HMGB1: variants seen among roughly 807,000 people sequenced by gnomAD.
HMGB1 encodes high mobility group box 1.
For missense variants in HMGB1, 79 were observed against 253.5 expected (o/e 0.31, Z 4.67); for synonymous variants, 81 against 84.0 (o/e 0.96, Z 0.19).
chr13:30,513,437 G>C (rs1888035085), intron 1 of HMGB1, among the ~76,000 whole-genome samples: 1 of 152,268 alleles, frequency 6.6e-6, no homozygotes, highest in Middle Eastern at 3.4e-3. Flanking sequence ...ATCTGCACAG[G>C]TGTGTGTGAG....
exon 1 of HMGB1, chr13:30,617,068 T>G (rs570666128): frequency 3.9e-5 from 6 of 152,304 alleles, no homozygotes; most frequent in African/African-American, 1.4e-4. Flanking sequence ...AGCAAAGGCT[T>G]AAACTTATCA....
chr13:30,574,035 G>C (rs1870544893), intron 1 of HMGB1, among the ~76,000 whole-genome samples: 1 of 152,190 alleles, frequency 6.6e-6, no homozygotes, highest in South Asian at 2.1e-4. Flanking sequence ...AGACATGCAA[G>C]CTGGGGATGA....
chr13:30,537,048 A>G (rs1436642587), intron 1 of HMGB1, among the ~76,000 whole-genome samples: 1 of 152,208 alleles, frequency 6.6e-6, no homozygotes, highest in Non-Finnish European at 1.5e-5. Context: ...CTTCCTGAGA[A>G]AGGATGCACA....
chr13:30,545,572 T>G (rs545108719), intron 1 of HMGB1, among the ~76,000 whole-genome samples: 82 of 152,274 alleles, frequency 5.4e-4, no homozygotes, highest in South Asian at 1.4e-3. Context: ...GTGCCCAGTA[T>G]TCCTGAGTCT....
At chr13:30,582,439 C>G (rs1870941193) in intron 1 of HMGB1, among the ~76,000 whole-genome samples, 1 of 151,796 alleles carries the variant, frequency 6.6e-6, no homozygotes, top group Non-Finnish European at 1.5e-5. Context: ...GAGATTGAGA[C>G]CATCCTGGCT....
At chr13:30,581,691 C>T (rs1870907806) in intron 1 of HMGB1, among the ~76,000 whole-genome samples, 1 of 152,122 alleles carries the variant, frequency 6.6e-6, no homozygotes, top group South Asian at 2.1e-4. Context: ...TTGGGGTTCC[C>T]AATCAGGACT....
intron 1 of HMGB1, among the ~76,000 whole-genome samples, chr13:30,601,220 A>G (rs1950396815): frequency 6.6e-6 from 1 of 152,174 alleles, no homozygotes; most frequent in African/African-American, 2.4e-5. Flanking sequence ...TTCACCACCT[A>G]TCCCAAAACC....
At chr13:30,520,791 A>G (rs892618185) in intron 1 of HMGB1, among the ~76,000 whole-genome samples, 6 of 152,164 alleles carry the variant, frequency 3.9e-5, no homozygotes, top group African/African-American at 1.4e-4. Flanking sequence ...TCTTAAGAGA[A>G]TCCAACAGTA....
rs1200471942 is a variant in HMGB1, at chr13:30,458,511, A to C, written c.*2846T>G. On this transcript the variant is annotated 3_prime_UTR_variant, in exon 5 of 5. Coordinates refer to ENST00000341423, the MANE Select transcript of HMGB1 (RefSeq NM_002128.7). ...CGCTTGGCTAATTTTTTGTATTTTTAGTAGAGGCGGGGTTTCACCACGTTA... is the reference window on the plus strand; with the variant it reads ...CGCTTGGCTAATTTTTTGTATTTTTCGTAGAGGCGGGGTTTCACCACGTTA... The C allele has an allele frequency of 6.6e-6, 1 of 152,216 alleles. No individual in the cohort carries two copies. Among genetic ancestry groups the C allele is most frequent in the African/African-American group, 2.4e-5 (1 of 41,408 alleles). The allele number at this position is 152,216 out of a possible 1,614,324, so 9.4% of individuals were successfully genotyped here.
rs954842534 is a variant in HMGB1 at position 30,460,813 on chromosome 13, T to A, written c.*544A>T. 1.3e-5 allele frequency: 2 copies of A among 152,990 alleles called. No individual in the cohort carries two copies. Among genetic ancestry groups the A allele is most frequent in the African/African-American group, 4.8e-5 (2 of 41,434 alleles). 9.5% of individuals were successfully genotyped at this position (152,990 alleles called of 1,614,324 possible). A position where few individuals can be genotyped will look rare whatever the true frequency, so the allele number is the denominator to read the frequency against. On this transcript the variant is annotated 3_prime_UTR_variant, in exon 5 of 5. Transcript: ENST00000341423. ...AAAGGATAAACACTGTAATAATTCATGTGATTCAAAATGGGCAAAAGCAAA... is the reference window on the plus strand; with the variant it reads ...AAAGGATAAACACTGTAATAATTCAAGTGATTCAAAATGGGCAAAAGCAAA...
At chr13:30,512,162 G>T (rs1402668911) in intron 1 of HMGB1, among the ~76,000 whole-genome samples, 1 of 150,200 alleles carries the variant, frequency 6.7e-6, no homozygotes, top group Non-Finnish European at 1.5e-5. Context: ...AAAAAAAAAA[G>T]ATTGATTGGC....
chr13:30,561,265 G>C (rs368430397), intron 1 of HMGB1, among the ~76,000 whole-genome samples: 1 of 152,140 alleles, frequency 6.6e-6, no homozygotes, highest in Non-Finnish European at 1.5e-5. Context: ...TGGAGCTCAG[G>C]AGGAAGAGGC....
intron 1 of HMGB1, among the ~76,000 whole-genome samples, chr13:30,502,409 T>TC (rs1887753727): frequency 6.6e-6 from 1 of 152,234 alleles, no homozygotes; most frequent in South Asian, 2.1e-4. Flanking sequence ...TTAAGGCCCA[T>TC]CCCCCATCTC....
intron 1 of HMGB1, among the ~76,000 whole-genome samples, chr13:30,562,758 T>TGGTTGGAGACGGTAC (rs1220201520): frequency 1.3e-5 from 2 of 152,168 alleles, no homozygotes; most frequent in Non-Finnish European, 2.9e-5. Context: ...GGCGCTGGGT[T>TGGTTGGAGACGGTAC]GGTTGGAGAC....
At chr13:30,571,135 T>G (rs1335460165) in intron 1 of HMGB1, among the ~76,000 whole-genome samples, 1 of 152,190 alleles carries the variant, frequency 6.6e-6, no homozygotes, top group Non-Finnish European at 1.5e-5. Context: ...TGATTAGGAA[T>G]GCACAATCAC....
intron 4 of HMGB1, 28 bp downstream of exon 4, chr13:30,462,510 T>A: frequency 6.3e-7 from 1 of 1,588,562 alleles, no homozygotes. Context: ...CTTGTCATCA[T>A]TTTACCAAGC....
In HMGB1 at chr13:30,537,667, A is replaced by C. The variant is rs1235751440; in HGVS notation, c.-14-73973T>G. 6.6e-3 allele frequency among the ~76,000 whole-genome samples: 579 copies of C among 87,850 alleles called. 11 individuals are homozygous for C. Among genetic ancestry groups the C allele is most frequent in the African/African-American group, 0.03 (535 of 18,114 alleles). The allele number at this position is 87,850 out of a possible 152,430, so 57.6% of individuals were successfully genotyped here. A position where few individuals can be genotyped will look rare whatever the true frequency, so the allele number is the denominator to read the frequency against. On this transcript the variant is annotated intron_variant, in intron 1 of 4. Coordinates refer to the HMGB1 transcript ENST00000405805. ...CATTCTTGTTCATATATATATATAT[A>C]TATATATATATATATATATATATAT...
chr13:30,547,223 T>C (rs1302962747), intron 1 of HMGB1, among the ~76,000 whole-genome samples: 1 of 152,258 alleles, frequency 6.6e-6, no homozygotes, highest in Non-Finnish European at 1.5e-5. Flanking sequence ...TATTCCATTG[T>C]TTTATTCTTT....
At chr13:30,476,977 T>C (rs1887113396) in intron 1 of HMGB1, among the ~76,000 whole-genome samples, 1 of 152,164 alleles carries the variant, frequency 6.6e-6, no homozygotes, top group Non-Finnish European at 1.5e-5. Context: ...ATTCGTTGAA[T>C]TGTCCAAGGT....
Sources: gnomAD v4.1 joint callset for allele counts (sites outside exome capture counted in the v4.1 genomes callset) on GRCh38, gnomAD v4.1.1 for gene constraint, MANE v1.5 for transcripts, NCBI Gene and HGNC (gene_info 2026-07-23, HGNC 2026-07-21) for gene names.